The following PCDHA8 variants were observed in gnomAD, a reference collection of about 807,000 sequenced individuals.
PCDHA8 encodes protocadherin alpha-8.
Under a neutral mutation model 61.8 loss-of-function variants are expected in PCDHA8, and 53 were observed. That is an observed-to-expected ratio of 0.86 (90% CI 0.69 to 1.08). The LOEUF is 1.08. Ranked by LOEUF, PCDHA8 falls within the 50% of genes least tolerant of loss-of-function variation. The pLI is 0.00. For missense variants in PCDHA8, 1,293 were observed against 1,245.0 expected (o/e 1.04, Z -0.58); for synonymous variants, 618 against 556.6 (o/e 1.11, Z -1.55).
intron 1 of PCDHA8, among the ~76,000 whole-genome samples, chr5:140,910,560 G>A (rs1369178001): frequency 6.6e-6 from 1 of 152,160 alleles, no homozygotes; most frequent in East Asian, 1.9e-4. Flanking sequence ...ATTAGTCAAG[G>A]ATATATTTTC....
chr5:141,000,361 GTCTCTCTCTC>G lies in PCDHA8; in HGVS notation c.2543-9240_2543-9231del, dbSNP rs148596731. Reference sequence around the variant, plus strand: ...CCTATCTCTCTCTCTGTCTCTCTCTGTCTCTCTCTCTCTCTCTCTCTCTCTCTCTCTCTCT... The same window carrying G: ...CCTATCTCTCTCTCTGTCTCTCTCTGTCTCTCTCTCTCTCTCTCTCTCTCT... On this transcript the variant is annotated intron_variant, in intron 3 of 3. Transcript: ENST00000531613. 0.019 allele frequency among the ~76,000 whole-genome samples: 511 copies of G among 26,396 alleles called. 13 individuals carry two copies. In the Middle Eastern group the frequency reaches 0.2, roughly 10 times the overall value. The allele number at this position is 26,396 out of a possible 152,430, so 17.3% of individuals were successfully genotyped here.
At chr5:140,982,202 G>A (rs2096970508) in intron 2 of PCDHA8, 2 of 405,606 alleles carry the variant, frequency 4.9e-6, no homozygotes, top group Non-Finnish European at 8.1e-6. Context: ...GTTAGATTTA[G>A]TGAGCGCCAC....
chr5:140,847,895 A>G (rs1554141940), intron 1 of PCDHA8: 1 of 149,664 alleles, frequency 6.7e-6, no homozygotes, highest in African/African-American at 2.5e-5. Context: ...CTTTTTCATC[A>G]GTAGATTTCT....
chr5:140,851,043 C>T (rs2041935214), intron 1 of PCDHA8: 7 of 1,389,064 alleles, frequency 5.0e-6, no homozygotes, highest in Middle Eastern at 2.1e-4. Flanking sequence ...ACATTGGAGC[C>T]GACTTTGTCT....
chr5:140,870,709 G>T (rs782475792), intron 1 of PCDHA8: 1 of 1,613,052 alleles, frequency 6.2e-7, no homozygotes, highest in Non-Finnish European at 8.5e-7. Context: ...CCAGGTGAGC[G>T]CGCGCGATGC....
In PCDHA8 at chr5:140,927,750, G is replaced by T. The variant is rs155819; in HGVS notation, c.2395-51199G>T. The T allele has an allele frequency of 1.4e-3, 2,310 of 1,614,204 alleles. 26 individuals carry two copies. In the African/African-American group the frequency reaches 0.026, roughly 18 times the overall value. On this transcript the variant is annotated intron_variant, in intron 1 of 3. Coordinates refer to ENST00000531613, the MANE Select transcript of PCDHA8 (RefSeq NM_018911.3). ...CAGAGCTGCGACACCGCTTTCACGT[G>T]CACCCTAAAAGTGGGGAGGTGCAAG...
At position 140,852,928 on chromosome 5, in the gene PCDHA8, G is replaced by A. The variant is rs2150525567; in HGVS notation, c.2394+9213G>A. 7.3e-5 allele frequency: 48 copies of A among 653,604 alleles called. 1 individual carries two copies. The highest frequency in any genetic ancestry group is 1.3e-4 in the East Asian group (1 of 7,716). 40.5% of individuals were successfully genotyped at this position (653,604 alleles called of 1,614,324 possible). ...GAGTCTCGCTCTGTTGCCCAGGCTG[G>A]AGTGCAGTGGTGCCATCTTGGCTCA... On this transcript the variant is annotated intron_variant, in intron 1 of 3. Transcript: ENST00000531613.
At chr5:140,868,887 G>A in intron 1 of PCDHA8, 1 of 740,170 alleles carries the variant, frequency 1.4e-6, no homozygotes, top group Admixed American at 3.1e-5. Context: ...CACAGTTTTA[G>A]GCGCAAGGTG....
intron 1 of PCDHA8, chr5:140,865,406 G>A (rs899888055): frequency 4.6e-5 from 7 of 152,130 alleles, no homozygotes; most frequent in African/African-American, 1.4e-4. Flanking sequence ...ATGCTGAAAA[G>A]GAATTAGTAG....
chr5:140,972,235 G>A (rs1368131761), intron 1 of PCDHA8, among the ~76,000 whole-genome samples: 2 of 151,838 alleles, frequency 1.3e-5, no homozygotes, highest in African/African-American at 4.8e-5. Context: ...GACCTTCTGG[G>A]CTCAAGCAAT....
intron 1 of PCDHA8, chr5:140,856,399 T>A: frequency 6.3e-7 from 1 of 1,598,492 alleles, no homozygotes; most frequent in Admixed American, 1.7e-5. Flanking sequence ...AGGTTTTCCA[T>A]GTGGACGTGG....
chr5:140,941,202 C>CTTTCTTTCTTTCTCT (rs1554213921), intron 1 of PCDHA8, among the ~76,000 whole-genome samples: 1 of 122,742 alleles, frequency 8.1e-6, no homozygotes, highest in African/African-American at 3.0e-5. Context: ...TTTCTTTCTT[C>CTTTCTTTCTTTCTCT]CTTTCTTTCT....
In PCDHA8 at chr5:140,875,735, C is replaced by A. The variant is rs376701509; in HGVS notation, c.2394+32020C>A. The stretch of plus-strand genomic sequence containing the variant: ...CAGAATGGCATTTTGTTTGTGAATT[C>A]TCGGATCGACCGCGAGAAGCTGTGC... On this transcript the variant is annotated intron_variant, in intron 1 of 3. Coordinates refer to ENST00000531613, the MANE Select transcript of PCDHA8 (RefSeq NM_018911.3). 16 of 1,614,114 alleles carry A rather than the reference C, an allele frequency of 9.9e-6. No homozygotes were observed. In the Middle Eastern group the frequency reaches 4.9e-4, roughly 50 times the overall value.
At chr5:140,956,181 T>C (rs1351584707) in intron 1 of PCDHA8, among the ~76,000 whole-genome samples, 1 of 152,212 alleles carries the variant, frequency 6.6e-6, no homozygotes, top group South Asian at 2.1e-4. Flanking sequence ...CTTCCAATAC[T>C]ATGCTGAATA....
intron 1 of PCDHA8, among the ~76,000 whole-genome samples, chr5:140,913,794 T>A: frequency 6.6e-6 from 1 of 152,194 alleles, no homozygotes. Context: ...ATCATTTGTT[T>A]GAATCAAATT....
intron 1 of PCDHA8, among the ~76,000 whole-genome samples, chr5:140,939,846 T>G (rs2092473465): frequency 6.6e-6 from 1 of 152,222 alleles, no homozygotes; most frequent in Non-Finnish European, 1.5e-5. Flanking sequence ...GTTGTTGTGT[T>G]CTGTATATGT....
chr5:140,979,122 T>C (rs1271679977), intron 2 of PCDHA8, 115 bp downstream of exon 2: 2 of 1,493,778 alleles, frequency 1.3e-6, no homozygotes, highest in African/African-American at 2.8e-5. Flanking sequence ...TTAGGTACTT[T>C]GCCAGGAAAA....
rs137875021 is a variant in PCDHA8, at chr5:140,942,837, A to C, written c.2395-36112A>C. Among the ~76,000 whole-genome samples, 666 of 152,296 alleles carry C rather than the reference A, an allele frequency of 4.4e-3. 3 individuals are homozygous for C. Among genetic ancestry groups the C allele is most frequent in the African/African-American group, 0.016 (646 of 41,564 alleles). On this transcript the variant is annotated intron_variant, in intron 1 of 3. Transcript: ENST00000531613. ...TTGGATTTGGCCCTGTGTCAATAAA[A>C]ATTCCAGTAAGATGATTATTTTGCT...
chr5:140,894,956 A>T (rs2064745767), intron 1 of PCDHA8, among the ~76,000 whole-genome samples: 1 of 152,208 alleles, frequency 6.6e-6, no homozygotes, highest in South Asian at 2.1e-4. Context: ...AATGATAAAA[A>T]TATAATTTTT....
Sources: allele counts gnomAD v4.1 joint callset (sites outside exome capture counted in the v4.1 genomes callset), GRCh38; gene constraint gnomAD v4.1.1; transcripts MANE v1.5; gene names NCBI Gene and HGNC (gene_info 2026-07-23, HGNC 2026-07-21).